The following PIK3C2G variants were observed in gnomAD, a reference collection of about 807,000 sequenced individuals.
PIK3C2G encodes the protein phosphatidylinositol 3-kinase C2 domain-containing subunit gamma.
Under a neutral mutation model 181.1 loss-of-function variants are expected in PIK3C2G, and 168 were observed. That is an observed-to-expected ratio of 0.93 (90% CI 0.82 to 1.05). The LOEUF (loss-of-function observed/expected upper bound fraction) is 1.05. Among genes scored for constraint, PIK3C2G ranks in the 50% least tolerant of loss-of-function variants. The pLI, the probability that PIK3C2G is intolerant of heterozygous loss-of-function variation, is 0.00. For missense variants in PIK3C2G, 1,869 were observed against 1,732.8 expected, an observed-to-expected ratio of 1.08 and a Z score of -1.40; for synonymous variants, 573 against 592.2, an observed-to-expected ratio of 0.97 and a Z score of 0.47.
intron 16 of PIK3C2G, among the ~76,000 whole-genome samples, chr12:18,419,651 C>T (rs776998501): frequency 5.9e-5 from 9 of 152,266 alleles, no homozygotes; most frequent in South Asian, 2.1e-4. Context: ...CAGTAGGTCT[C>T]GTTGCTAGAA....
chr12:18,509,033 T>C (rs1487469841), intron 24 of PIK3C2G, among the ~76,000 whole-genome samples: 1 of 152,006 alleles, frequency 6.6e-6, no homozygotes, highest in African/African-American at 2.4e-5. Flanking sequence ...ATTATTATTA[T>C]TATTATTGCT....
At chr12:18,263,143 G>C (rs189611597) in intron 1 of PIK3C2G, among the ~76,000 whole-genome samples, 192 of 152,098 alleles carry the variant, frequency 1.3e-3, no homozygotes, top group Non-Finnish European at 1.8e-3. Context: ...GCAAAAATAT[G>C]TATTTTTCTT....
intron 18 of PIK3C2G, among the ~76,000 whole-genome samples, chr12:18,472,790 C>G (rs1461110277): frequency 6.6e-6 from 1 of 152,124 alleles, no homozygotes; most frequent in Non-Finnish European, 1.5e-5. Flanking sequence ...ACTTCCACCT[C>G]CTGGGTTCAA....
chr12:18,717,853 G>A, the PIK3C2G span, among the ~76,000 whole-genome samples: 3 of 152,082 alleles, frequency 2.0e-5, no homozygotes, highest in Non-Finnish European at 4.4e-5. Context: ...TTATGATAAT[G>A]CAAAGAAAAT....
chr12:18,283,257 G>A lies in PIK3C2G; in HGVS notation c.678+498G>A, dbSNP rs187262636. Among the ~76,000 whole-genome samples the A allele has an allele frequency of 2.9e-3, 435 of 152,168 alleles. 3 individuals are homozygous for A. The highest frequency in any genetic ancestry group is 4.8e-3 in the Admixed American group (73 of 15,288). On this transcript the variant is annotated intron_variant, in intron 2 of 32. Coordinates refer to ENST00000538779, the MANE Select transcript of PIK3C2G (RefSeq NM_001288772.2). ...GCAACTTCTATTGAGATCATTCCAA[G>A]GGTAGGAAATTAAGTATTCATTGTG...
chr12:18,558,481 T>C (rs1945128389), intron 26 of PIK3C2G, among the ~76,000 whole-genome samples: 1 of 152,242 alleles, frequency 6.6e-6, no homozygotes, highest in Non-Finnish European at 1.5e-5. Context: ...TACATACAAT[T>C]GTGATTCTTC....
At chr12:18,703,264 C>G in the PIK3C2G span, among the ~76,000 whole-genome samples, 2 of 152,164 alleles carry the variant, frequency 1.3e-5, no homozygotes, top group Non-Finnish European at 2.9e-5. Flanking sequence ...ATTTATCACA[C>G]AGTTCATTTT....
chr12:18,328,726 A>G (rs1951458458), intron 8 of PIK3C2G, among the ~76,000 whole-genome samples: 1 of 152,042 alleles, frequency 6.6e-6, no homozygotes, highest in East Asian at 1.9e-4. Context: ...TGGGCTTAGT[A>G]TAATATAGTG....
chr12:18,251,649 T>C (rs1338617546), intron 1 of PIK3C2G, among the ~76,000 whole-genome samples: 1 of 152,106 alleles, frequency 6.6e-6, no homozygotes, highest in Non-Finnish European at 1.5e-5. Flanking sequence ...AGAGTCATAC[T>C]ATTATACTTA....
At chr12:18,404,469 A>G (rs1176474539) in intron 16 of PIK3C2G, among the ~76,000 whole-genome samples, 1 of 152,170 alleles carries the variant, frequency 6.6e-6, no homozygotes, top group Non-Finnish European at 1.5e-5. Flanking sequence ...ACCATCACCA[A>G]AATAAGTATT....
chr12:18,254,473 T>C (rs1948124250), intron 1 of PIK3C2G, among the ~76,000 whole-genome samples: 1 of 151,998 alleles, frequency 6.6e-6, no homozygotes, highest in African/African-American at 2.4e-5. Context: ...TTTATAAACA[T>C]ATATATTTTA....
At chr12:18,382,215 G>C (rs182601605) in intron 14 of PIK3C2G, among the ~76,000 whole-genome samples, 129 of 151,972 alleles carry the variant, frequency 8.5e-4, no homozygotes, top group African/African-American at 3.0e-3. Flanking sequence ...TATTAACTTG[G>C]TATCCTACTC....
chr12:18,699,039 T>A, the PIK3C2G span, among the ~76,000 whole-genome samples: 2 of 152,200 alleles, frequency 1.3e-5, no homozygotes, highest in South Asian at 4.1e-4. Flanking sequence ...GTCTTCTTTC[T>A]ATTCTCTTTC....
the PIK3C2G span, among the ~76,000 whole-genome samples, chr12:18,711,602 A>G: frequency 6.6e-6 from 1 of 151,336 alleles, no homozygotes; most frequent in South Asian, 2.1e-4. Flanking sequence ...GACTGAGGGG[A>G]CTGAGAGAAG....
At chr12:18,679,081 G>C in the PIK3C2G span, among the ~76,000 whole-genome samples, 1 of 152,016 alleles carries the variant, frequency 6.6e-6, no homozygotes, top group East Asian at 1.9e-4. Context: ...ATGATGAATG[G>C]CATTGAGCTT....
chr12:18,584,733 C>T (rs573580032), intron 29 of PIK3C2G, among the ~76,000 whole-genome samples: 1 of 152,090 alleles, frequency 6.6e-6, no homozygotes, highest in African/African-American at 2.4e-5. Context: ...TCCCAAGACA[C>T]ATAACTATCA....
intron 29 of PIK3C2G, among the ~76,000 whole-genome samples, chr12:18,587,107 A>G (rs1188573977): frequency 6.6e-6 from 1 of 152,182 alleles, no homozygotes; most frequent in East Asian, 1.9e-4. Context: ...ATCATACTGA[A>G]TGGACAAAAG....
chr12:18,276,100 G>A (rs1042640569), intron 1 of PIK3C2G, among the ~76,000 whole-genome samples: 2 of 152,168 alleles, frequency 1.3e-5, no homozygotes, highest in Non-Finnish European at 2.9e-5. Context: ...CGTTCTCATT[G>A]TCCTGGAATT....
chr12:18,337,285 C>A (rs1046262124), intron 8 of PIK3C2G, among the ~76,000 whole-genome samples: 1 of 151,982 alleles, frequency 6.6e-6, no homozygotes, highest in Non-Finnish European at 1.5e-5. Flanking sequence ...AAAATAAATG[C>A]TTATTTAAGA....
Sources: gnomAD v4.1 joint callset for allele counts (sites outside exome capture counted in the v4.1 genomes callset) on GRCh38, gnomAD v4.1.1 for gene constraint, MANE v1.5 for transcripts, NCBI Gene and HGNC (gene_info 2026-07-23, HGNC 2026-07-21) for gene names.